The following TNRC6B variants were observed in gnomAD, a reference collection of about 807,000 sequenced individuals.
The protein encoded by TNRC6B is trinucleotide repeat containing adaptor 6B, also known as trinucleotide repeat-containing gene 6B protein.
TNRC6B carries 52 observed loss-of-function variants against 203.6 expected under a neutral mutation model. The observed-to-expected ratio is 0.26, with a 90% CI of 0.20 to 0.32. The LOEUF is 0.32. Among genes scored for constraint, TNRC6B ranks in the 10% least tolerant of loss-of-function variants. The pLI is 1.00. For synonymous variants in TNRC6B, 838 were observed against 845.7 expected (o/e 0.99, Z 0.16); for missense variants, 1,923 against 2,286.2 (o/e 0.84, Z 3.24).
chr22:40,261,126 GA>G (rs1026736355), intron 3 of TNRC6B, among the ~76,000 whole-genome samples: 6 of 150,566 alleles, frequency 4.0e-5, no homozygotes, highest in South Asian at 2.1e-4. Context: ...TCTAGAGGAG[GA>G]AAAAAAAATT....
At chr22:40,083,301 G>A (rs893471866) in intron 1 of TNRC6B, among the ~76,000 whole-genome samples, 5 of 152,150 alleles carry the variant, frequency 3.3e-5, no homozygotes, top group Non-Finnish European at 7.4e-5. Context: ...AAATCAAAAG[G>A]AGATCATTTT....
chr22:40,278,739 A>G (rs2070686356), intron 9 of TNRC6B, among the ~76,000 whole-genome samples: 1 of 151,976 alleles, frequency 6.6e-6, no homozygotes, highest in Admixed American at 6.6e-5. Flanking sequence ...TGATTTTTGT[A>G]TTTATTTATT....
At chr22:40,119,533 GAT>G (rs1253605539) in intron 2 of TNRC6B, among the ~76,000 whole-genome samples, 1 of 152,210 alleles carries the variant, frequency 6.6e-6, no homozygotes, top group Non-Finnish European at 1.5e-5. Context: ...GCAGTGAGCT[GAT>G]ATTGCACCAC....
At chr22:40,317,181 T>G (rs1304633196) in intron 21 of TNRC6B, among the ~76,000 whole-genome samples, 1 of 152,230 alleles carries the variant, frequency 6.6e-6, no homozygotes, top group East Asian at 1.9e-4. Flanking sequence ...TTACAAAACC[T>G]CAGTATTTTC....
chr22:40,235,628 C>G (rs991844731), intron 1 of TNRC6B, among the ~76,000 whole-genome samples: 6 of 152,162 alleles, frequency 3.9e-5, no homozygotes, highest in African/African-American at 1.4e-4. Context: ...GAGATAATAG[C>G]TCAGTGACTA....
rs1044835095 is a variant in TNRC6B at position 40,137,071 on chromosome 22, G to A, written c.45+11209G>A. On this transcript the variant is annotated intron_variant, in intron 3 of 23. Coordinates refer to the TNRC6B transcript ENST00000301923. ...TTAAGTGCTCATTTAGTCAAGAAAAGTGTTACACAGAAGTATTTTAGGAAC... is the reference window on the plus strand; with the variant it reads ...TTAAGTGCTCATTTAGTCAAGAAAAATGTTACACAGAAGTATTTTAGGAAC... Among the ~76,000 whole-genome samples, 8 of 91,970 alleles carry A rather than the reference G, an allele frequency of 8.7e-5. No homozygotes were observed. In the South Asian group the frequency reaches 3.0e-3, roughly 35 times the overall value. The allele number at this position is 91,970 out of a possible 152,430, so 60.3% of individuals were successfully genotyped here. A position where few individuals can be genotyped will look rare whatever the true frequency, so the allele number is the denominator to read the frequency against.
At chr22:40,296,159 C>T (rs903279250) in intron 12 of TNRC6B, among the ~76,000 whole-genome samples, 3 of 152,050 alleles carry the variant, frequency 2.0e-5, no homozygotes, top group South Asian at 2.1e-4. Flanking sequence ...CCAGAGTCAC[C>T]GTAATGGGGC....
chr22:40,257,486 G>A (rs2070297940), intron 3 of TNRC6B, among the ~76,000 whole-genome samples: 1 of 152,176 alleles, frequency 6.6e-6, no homozygotes, highest in Admixed American at 6.5e-5. Flanking sequence ...GGAGGCTGAG[G>A]CAGGTGGATC....
At chr22:40,304,572 T>G (rs1601508474) in intron 15 of TNRC6B, among the ~76,000 whole-genome samples, 1 of 152,212 alleles carries the variant, frequency 6.6e-6, no homozygotes, top group East Asian at 1.9e-4. Context: ...CCCATCTACT[T>G]ATTTATATGA....
chr22:40,251,132 T>C (rs1240397026), intron 2 of TNRC6B, 47 bp from the exon 3 acceptor site: 3 of 1,496,242 alleles, frequency 2.0e-6, no homozygotes, highest in African/African-American at 1.4e-5. Context: ...AATACAGTAC[T>C]GAATTAAAAA....
Position 40,300,491 on chromosome 22 carries a change from G to A in TNRC6B, c.3745G>A (p.Gly1249Ser), listed in dbSNP as rs1290245169. Residue 1249 changes from glycine (G) to serine (S), a missense_variant, in exon 13 of 23, where the codon GGC (glycine) becomes AGC (serine). Physicochemically the swap from Gly to Ser is moderately conservative, Grantham distance 56. Around this residue, in one of 8 missense-constraint regions of TNRC6B, gnomAD observed 242 missense variants for 399.5 expected, o/e 0.61. Transcript: ENST00000454349. ...AATGCTCAAGCAGTTTCCCAACAGT[G>A]GCCTGAGTCCAGGTCTTTTCAATGT... ...ASMLKQFPNS[G>S]LSPGLFNVGP... is the part of the protein sequence containing the mutation. 3 of 1,606,938 alleles carry A rather than the reference G, an allele frequency of 1.9e-6. No individual in the cohort carries two copies. The highest frequency in any genetic ancestry group is 2.5e-6 in the Non-Finnish European group (3 of 1,177,772).
intron 1 of TNRC6B, among the ~76,000 whole-genome samples, chr22:40,203,237 G>C (rs2069436874): frequency 6.6e-6 from 1 of 152,114 alleles, no homozygotes; most frequent in South Asian, 2.1e-4. Context: ...ACTCTGCAAA[G>C]ACCTAATATG....
chr22:40,171,813 C>A (rs1025722993), intron 4 of TNRC6B, among the ~76,000 whole-genome samples: 1 of 152,056 alleles, frequency 6.6e-6, no homozygotes, highest in African/African-American at 2.4e-5. Context: ...CAGGTCCTAG[C>A]CTCCTGATCA....
chr22:40,174,549 A>T (rs2069036910), upstream of TNRC6B, among the ~76,000 whole-genome samples: 1 of 152,230 alleles, frequency 6.6e-6, no homozygotes, highest in African/African-American at 2.4e-5. Flanking sequence ...GCTTTGAAAG[A>T]TAACAGTCAT....
chr22:40,218,698 C>A (rs1329134560), intron 1 of TNRC6B, among the ~76,000 whole-genome samples: 1 of 152,078 alleles, frequency 6.6e-6, no homozygotes, highest in Non-Finnish European at 1.5e-5. Context: ...GTTTAACAAG[C>A]ATTTATTTAA....
intron 1 of TNRC6B, among the ~76,000 whole-genome samples, chr22:40,102,356 C>A (rs1247871711): frequency 1.3e-5 from 2 of 151,860 alleles, no homozygotes; most frequent in African/African-American, 4.9e-5. Flanking sequence ...TTGTTGTTGT[C>A]CCTTATTAGG....
chr22:40,052,448 T>A (rs2067756264), intron 1 of TNRC6B, among the ~76,000 whole-genome samples: 1 of 133,136 alleles, frequency 7.5e-6, no homozygotes, highest in South Asian at 2.6e-4. Flanking sequence ...TATTGTATTT[T>A]TTTTTTTTTT....
chr22:40,119,359 G>T (rs568753352), intron 2 of TNRC6B, among the ~76,000 whole-genome samples: 1 of 152,172 alleles, frequency 6.6e-6, no homozygotes, highest in African/African-American at 2.4e-5. Context: ...CTAGGCGGGC[G>T]GATCACTTGA....
chr22:40,154,520 C>T (rs920385266), intron 3 of TNRC6B, among the ~76,000 whole-genome samples: 4 of 149,858 alleles, frequency 2.7e-5, no homozygotes, highest in Non-Finnish European at 4.4e-5. Flanking sequence ...GTATGTATGC[C>T]TATATGTACA....
Sources: allele counts gnomAD v4.1 joint callset (sites outside exome capture counted in the v4.1 genomes callset), GRCh38; gene constraint gnomAD v4.1.1; regional missense constraint gnomAD v4.1.1; transcripts MANE v1.5; gene names NCBI Gene and HGNC (gene_info 2026-07-23, HGNC 2026-07-21).